Variants in WWC1 observed in about 807,000 individuals in gnomAD.
The protein encoded by WWC1 is protein KIBRA.
Under a neutral mutation model 138.4 loss-of-function variants are expected in WWC1, and 55 were observed. That is an observed-to-expected ratio of 0.40 (90% CI 0.32 to 0.50). The LOEUF (loss-of-function observed/expected upper bound fraction) is 0.50. Among genes scored for constraint, WWC1 ranks in the 20% least tolerant of loss-of-function variants. The pLI is 0.72. For missense variants in WWC1, 1,226 were observed against 1,420.4 expected (o/e 0.86, Z 2.20); for synonymous variants, 524 against 564.9 (o/e 0.93, Z 1.03).
intron 1 of WWC1, among the ~76,000 whole-genome samples, chr5:168,329,568 C>A (rs962131221): frequency 6.6e-6 from 1 of 152,040 alleles, no homozygotes; most frequent in African/African-American, 2.4e-5. Flanking sequence ...CTGTTTTAGG[C>A]GTTTGGGAGG....
chr5:168,465,017 G>T, intron 21 of WWC1, 55 bp downstream of exon 21: 2 of 1,586,862 alleles, frequency 1.3e-6, no homozygotes, highest in South Asian at 1.1e-5. Flanking sequence ...GAGAGTCGGG[G>T]GGCACTGCCC....
Position 168,471,491 on chromosome 5 carries a change from C to T in WWC1, c.*2474C>T, listed in dbSNP as rs918279463. ...GATGGTCTCGTGCTGCTCTGTGGCA[C>T]CTGTGCCTACACTCCTCTGAGCTTT... On this transcript the variant is annotated 3_prime_UTR_variant, in exon 23 of 23. Coordinates refer to ENST00000265293, the MANE Select transcript of WWC1 (RefSeq NM_015238.3). The T allele has an allele frequency of 6.6e-6, 1 of 152,318 alleles. No homozygotes were observed. Among genetic ancestry groups the T allele is most frequent in the African/African-American group, 2.4e-5 (1 of 41,454 alleles). 9.4% of individuals were successfully genotyped at this position (152,318 alleles called of 1,614,324 possible).
Position 168,392,189 on chromosome 5 carries a change from A to G in WWC1, c.434-5535A>G, listed in dbSNP as rs190216492. Among the ~76,000 whole-genome samples the G allele has an allele frequency of 2.6e-5, 4 of 152,272 alleles. No homozygotes were observed. In the East Asian group the frequency reaches 7.7e-4, roughly 29 times the overall value. On this transcript the variant is annotated intron_variant, in intron 3 of 22. Coordinates refer to ENST00000265293, the MANE Select transcript of WWC1 (RefSeq NM_015238.3). ...ACAAGCAAATTCAGAGCCAGAGTGT[A>G]CTATCCTGAAAGCACGAGTAAGTGA...
At chr5:168,353,074 G>A (rs532567930) in intron 1 of WWC1, among the ~76,000 whole-genome samples, 13 of 152,160 alleles carry the variant, frequency 8.5e-5, no homozygotes, top group African/African-American at 2.7e-4. Context: ...ACTCCAATTC[G>A]AACCCGGACC....
At chr5:168,322,359 A>G (rs1026302073) in intron 1 of WWC1, among the ~76,000 whole-genome samples, 2 of 152,132 alleles carry the variant, frequency 1.3e-5, no homozygotes, top group African/African-American at 4.8e-5. Flanking sequence ...TGTGGACCAT[A>G]CCATCTCTGT....
At position 168,423,736 on chromosome 5, in the gene WWC1, G is replaced by C; in HGVS notation, c.1478G>C (p.Arg493Pro). The C allele has an allele frequency of 1.9e-6, 3 of 1,613,952 alleles. No individual in the cohort carries two copies. Among genetic ancestry groups the C allele is most frequent in the Non-Finnish European group, 2.5e-6 (3 of 1,179,892 alleles). Residue 493 changes from arginine to proline, a missense_variant, in exon 11 of 23, where the codon CGG becomes CCG. Physicochemically the swap from Arg to Pro is moderately radical, Grantham distance 103 (BLOSUM62 -2). Coordinates refer to ENST00000265293, the MANE Select transcript of WWC1 (RefSeq NM_015238.3). ...CTCCTGGAGGGGGCCACCGGCTTCC[G>C]GCCCTCAGGCTGCATCACCACCATC... ...FLLLEGATGF[R>P]PSGCITTIHE...
At chr5:168,414,198 G>GA (rs896394009) in intron 8 of WWC1, 150 bp from the exon 9 acceptor site, 104 of 1,226,734 alleles carry the variant, frequency 8.5e-5, no homozygotes, top group Non-Finnish European at 8.1e-5. Flanking sequence ...TGTTTGTTTA[G>GA]AAAAAAAATA....
intron 17 of WWC1, among the ~76,000 whole-genome samples, chr5:168,449,819 C>T (rs1266290452): frequency 6.6e-6 from 1 of 152,152 alleles, no homozygotes; most frequent in African/African-American, 2.4e-5. Context: ...AGGTGATCCA[C>T]CTGCCTCAGC....
intron 1 of WWC1, among the ~76,000 whole-genome samples, chr5:168,356,372 G>C (rs1037294933): frequency 2.6e-5 from 4 of 152,242 alleles, no homozygotes; most frequent in African/African-American, 9.6e-5. Context: ...GTGAACCTGG[G>C]TCCCTGGGGT....
chr5:168,339,190 G>T (rs1184610257), intron 1 of WWC1, among the ~76,000 whole-genome samples: 2 of 152,192 alleles, frequency 1.3e-5, no homozygotes, highest in Non-Finnish European at 2.9e-5. Flanking sequence ...GGAAGCTGTT[G>T]TCCCCTCAGC....
intron 20 of WWC1, among the ~76,000 whole-genome samples, chr5:168,464,268 G>A (rs1757055998): frequency 6.6e-6 from 1 of 152,156 alleles, no homozygotes. Flanking sequence ...CTGTATTGGG[G>A]AAACAACTTC....
intron 1 of WWC1, among the ~76,000 whole-genome samples, chr5:168,348,124 C>T (rs984614803): frequency 6.6e-6 from 1 of 152,172 alleles, no homozygotes; most frequent in East Asian, 1.9e-4. Flanking sequence ...ACTGGCAGCC[C>T]CATTTGACAG....
chr5:168,423,403 G>A, intron 10 of WWC1, 130 bp from the exon 11 acceptor site: 1 of 1,020,798 alleles, frequency 9.8e-7, no homozygotes, highest in South Asian at 1.7e-5. Flanking sequence ...AAGTGGGGGT[G>A]AAGGGTCTAC....
At chr5:168,366,595 C>T (rs1270634341) in intron 1 of WWC1, among the ~76,000 whole-genome samples, 1 of 152,088 alleles carries the variant, frequency 6.6e-6, no homozygotes, top group Non-Finnish European at 1.5e-5. Flanking sequence ...GTAGGGTATC[C>T]ACATGTCTGT....
chr5:168,396,057 C>G (rs1778874046), intron 3 of WWC1, among the ~76,000 whole-genome samples: 1 of 152,190 alleles, frequency 6.6e-6, no homozygotes, highest in East Asian at 1.9e-4. Context: ...CAGATCTCAG[C>G]AGGTGATCTG....
intron 3 of WWC1, 44 bp from the exon 4 acceptor site, chr5:168,397,680 C>T: frequency 6.2e-7 from 1 of 1,609,276 alleles, no homozygotes; most frequent in Non-Finnish European, 8.5e-7. Flanking sequence ...TTGCTGAAAT[C>T]TGTTTCTTCT....
intron 16 of WWC1, among the ~76,000 whole-genome samples, chr5:168,443,291 C>T (rs1188182871): frequency 6.6e-6 from 1 of 152,122 alleles, no homozygotes; most frequent in African/African-American, 2.4e-5. Context: ...TCTTTCTCCT[C>T]CTCCTCTCCT....
rs140660160 is a variant in WWC1, at chr5:168,385,290, C to T, written c.309C>T (p.Ala103=). The change falls in exon 3 of 23, where the codon GCC becomes GCT. Residue 103 remains alanine (A), a synonymous_variant. Coordinates refer to ENST00000265293, the MANE Select transcript of WWC1 (RefSeq NM_015238.3). ...TGCTGAAGGATTACCTGGTGGTGGC[C>T]CAGGAGGCTCTGAGTGCACAAAAGG... is the stretch of plus-strand genomic sequence containing the variant. ...EHMLKDYLVV[A]QEALSAQKEI... 6.2e-7 allele frequency: 1 copy of T among 1,613,980 alleles called. No homozygotes were observed. Among genetic ancestry groups the T allele is most frequent in the Non-Finnish European group, 8.5e-7 (1 of 1,180,002 alleles).
intron 5 of WWC1, among the ~76,000 whole-genome samples, chr5:168,402,619 C>T (rs924853867): frequency 1.3e-5 from 2 of 152,138 alleles, no homozygotes; most frequent in Non-Finnish European, 2.9e-5. Context: ...ATTTCATTCT[C>T]TTCACCCCCC....
Sources: gnomAD v4.1 joint callset for allele counts (sites outside exome capture counted in the v4.1 genomes callset) on GRCh38, gnomAD v4.1.1 for gene constraint, MANE v1.5 for transcripts, NCBI Gene and HGNC (gene_info 2026-07-23, HGNC 2026-07-21) for gene names.